Variants in FAM91A1 observed in about 807,000 individuals in gnomAD.
FAM91A1 encodes family with sequence similarity 91 member A1, also known as protein FAM91A1.
Under a neutral mutation model 113.5 loss-of-function variants are expected in FAM91A1, and 41 were observed. The observed-to-expected ratio is 0.36, with a 90% CI of 0.28 to 0.47. The LOEUF is 0.47. Among genes scored for constraint, FAM91A1 ranks in the 20% least tolerant of loss-of-function variants. The pLI is 1.00. For missense variants in FAM91A1, 696 were observed against 1,001.2 expected, an observed-to-expected ratio of 0.70 and a Z score of 4.11; for synonymous variants, 307 against 347.9, an observed-to-expected ratio of 0.88 and a Z score of 1.31.
At chr8:123,811,889 C>T (rs1252823350) in intron 23 of FAM91A1, among the ~76,000 whole-genome samples, 4 of 152,054 alleles carry the variant, frequency 2.6e-5, no homozygotes, top group South Asian at 2.1e-4. Flanking sequence ...GTTTTTTCCC[C>T]GAGATGGAGT....
At chr8:123,803,621 G>GT (rs1345356843) in intron 18 of FAM91A1, among the ~76,000 whole-genome samples, 1 of 152,070 alleles carries the variant, frequency 6.6e-6, no homozygotes, top group African/African-American at 2.4e-5. Context: ...TGTTTTTAAA[G>GT]TGTTTGTTAA....
At chr8:123,803,880 T>G (rs1356489800) in intron 18 of FAM91A1, among the ~76,000 whole-genome samples, 2 of 152,186 alleles carry the variant, frequency 1.3e-5, no homozygotes, top group African/African-American at 4.8e-5. Flanking sequence ...AATGTATGGG[T>G]CTCTCTTAAA....
In FAM91A1 at chr8:123,815,028, GGAAA is replaced by G. The variant is rs1298565546; in HGVS notation, c.*2332_*2335del. 2 of 152,244 alleles carry G rather than the reference GGAAA, an allele frequency of 1.3e-5. No individual in the cohort carries two copies. Among genetic ancestry groups the G allele is most frequent in the Non-Finnish European group, 1.5e-5 (1 of 67,974 alleles). 9.4% of individuals were successfully genotyped at this position (152,244 alleles called of 1,614,324 possible). A position where few individuals can be genotyped will look rare whatever the true frequency, so the allele number is the denominator to read the frequency against. On this transcript the variant is annotated 3_prime_UTR_variant, in exon 24 of 24. Coordinates refer to ENST00000334705, the MANE Select transcript of FAM91A1 (RefSeq NM_144963.4). ...GGCAAACATTCTTTAGAAACCAAGA[GGAAA>G]GAAAGAACAAATATCAAAAAAGACA...
intron 18 of FAM91A1, 91 bp downstream of exon 18, chr8:123,799,976 C>G: frequency 1.9e-6 from 2 of 1,058,018 alleles, no homozygotes; most frequent in Non-Finnish European, 2.7e-6. Context: ...AAATGTCAGT[C>G]ATTTGAAATT....
At position 123,798,189 on chromosome 8, in the gene FAM91A1, T is replaced by C; in HGVS notation, c.1511T>C (p.Met504Thr). 6.2e-7 allele frequency: 1 copy of C among 1,614,132 alleles called. No homozygotes were observed. The highest frequency in any genetic ancestry group is 1.7e-5 in the Admixed American group (1 of 60,022). The change falls in exon 16 of 24, where the codon ATG becomes ACG. Residue 504 changes from methionine (M) to threonine (T), a missense_variant. Coordinates refer to ENST00000334705, the MANE Select transcript of FAM91A1 (RefSeq NM_144963.4). The part of the protein sequence containing the change: ...LNKNYTLLVS[M>T]APLTNEIRPV... ...AAAAATTACACGCTGCTTGTTTCCA[T>C]GGCTCCCCTCACCAATGAAATCCGG...
At chr8:123,806,263 A>C (rs377443489) in intron 20 of FAM91A1, 34 bp downstream of exon 20, 3 of 1,585,476 alleles carry the variant, frequency 1.9e-6, no homozygotes, top group South Asian at 2.3e-5. Context: ...GGATTAAGAT[A>C]ATTGGTTTTG....
Position 123,805,491 on chromosome 8 carries a change from TTGTCATG to T in FAM91A1, c.1882+155_1882+161del, listed in dbSNP as rs1323025490. 9.2e-6 allele frequency: 6 copies of T among 653,588 alleles called. No homozygotes were observed. In the East Asian group the frequency reaches 1.4e-4, roughly 15 times the overall value. 40.5% of individuals were successfully genotyped at this position (653,588 alleles called of 1,614,324 possible). On this transcript the variant is annotated intron_variant, in intron 19 of 23. Coordinates refer to ENST00000334705, the MANE Select transcript of FAM91A1 (RefSeq NM_144963.4). ...AAGAGTGTTGGCAAAAGGTAGTTTT[TTGTCATG>T]TGCTTTGCCATCCACAAAGAACTGT...
intron 7 of FAM91A1, 96 bp downstream of exon 7, chr8:123,780,171 G>A (rs1234930126): frequency 1.9e-5 from 20 of 1,035,692 alleles, no homozygotes; most frequent in Non-Finnish European, 2.7e-5. Context: ...GGTACAAATA[G>A]TACTAGTTTC....
At chr8:123,789,821 A>G in intron 15 of FAM91A1, 76 bp downstream of exon 15, 1 of 1,500,330 alleles carries the variant, frequency 6.7e-7, no homozygotes, top group East Asian at 2.4e-5. Flanking sequence ...GATCATGCTC[A>G]CTTATATAAT....
chr8:123,792,780 T>G (rs988679544), intron 15 of FAM91A1, among the ~76,000 whole-genome samples: 2 of 152,204 alleles, frequency 1.3e-5, no homozygotes, highest in African/African-American at 4.8e-5. Flanking sequence ...GGGAAGGGGC[T>G]TAGTGCAAGG....
At position 123,808,270 on chromosome 8, in the gene FAM91A1, A is replaced by T. The variant is rs1244725250; in HGVS notation, c.2033-2A>T. On this transcript the variant is annotated splice_acceptor_variant, in intron 20 of 23. Transcript: ENST00000334705. LOFTEE classifies it high-confidence loss of function. ...ATATTGTGTATGCCCTTTAATTATA[A>T]GGAGAACCTGATTTGGCTTCTGGCT... is the stretch of plus-strand genomic sequence containing the variant. 3.7e-6 allele frequency: 6 copies of T among 1,611,132 alleles called. No homozygotes were observed. Among genetic ancestry groups the T allele is most frequent in the Non-Finnish European group, 5.1e-6 (6 of 1,178,944 alleles).
chr8:123,788,619 A>T (rs1313143693), intron 14 of FAM91A1, among the ~76,000 whole-genome samples: 1 of 151,964 alleles, frequency 6.6e-6, no homozygotes, highest in Non-Finnish European at 1.5e-5. Flanking sequence ...TTATTTCTTC[A>T]TGCTTCTTTA....
rs766207478 is a variant in FAM91A1, at chr8:123,787,221, A to G, written c.1079-40A>G. ...TCACTCCAAATGGTAAGCAAAGAAT[A>G]ATTTCCATTTACTTGATTTTAAATT... On this transcript the variant is annotated intron_variant, in intron 12 of 23. Coordinates refer to ENST00000334705, the MANE Select transcript of FAM91A1 (RefSeq NM_144963.4). 8 of 1,423,504 alleles carry G rather than the reference A, an allele frequency of 5.6e-6. No homozygotes were observed. The Admixed American group carries it at 8.8e-5, about 16-fold the overall frequency. The allele number at this position is 1,423,504 out of a possible 1,614,324, so 88.2% of individuals were successfully genotyped here. A position where few individuals can be genotyped will look rare whatever the true frequency, so the allele number is the denominator to read the frequency against.
rs1279694949 is a variant in FAM91A1, at chr8:123,778,653, T to C, written c.436-6T>C. Reference sequence around the variant, plus strand: ...TGCAAATTCTCAAATGTTTGTACCATTGCAGAAATTCTTCAGAAGGAAAAC... The same window carrying C: ...TGCAAATTCTCAAATGTTTGTACCACTGCAGAAATTCTTCAGAAGGAAAAC... On this transcript the variant is annotated splice_polypyrimidine_tract_variant and splice_region_variant and intron_variant, in intron 5 of 23. Transcript: ENST00000334705. 1 of 1,605,116 alleles carries C rather than the reference T, an allele frequency of 6.2e-7. No homozygotes were observed. The highest frequency in any genetic ancestry group is 8.5e-7 in the Non-Finnish European group (1 of 1,174,196).
intron 18 of FAM91A1, among the ~76,000 whole-genome samples, chr8:123,801,479 G>T (rs915448040): frequency 6.6e-6 from 1 of 152,214 alleles, no homozygotes; most frequent in Non-Finnish European, 1.5e-5. Context: ...TAGGTTCTCC[G>T]TAAAGATTTC....
chr8:123,807,272 A>G (rs938377881), intron 20 of FAM91A1, among the ~76,000 whole-genome samples: 1 of 152,180 alleles, frequency 6.6e-6, no homozygotes, highest in Non-Finnish European at 1.5e-5. Context: ...CGTATCTACT[A>G]CAGCTCTCCT....
Position 123,799,464 on chromosome 8 carries a change from C to T in FAM91A1, c.1561-56C>T, listed in dbSNP as rs563974631. 5.3e-4 allele frequency: 818 copies of T among 1,529,716 alleles called. 5 individuals are homozygous for T. The highest frequency in any genetic ancestry group is 1.7e-3 in the South Asian group (138 of 79,400). The allele number at this position is 1,529,716 out of a possible 1,614,324, so 94.8% of individuals were successfully genotyped here. On this transcript the variant is annotated intron_variant, in intron 16 of 23. Transcript: ENST00000334705. ...GATTTGCTGTTTATAAGACTGTTCT[C>T]GGTCACTTATGTAACACTTTATTTT...
At chr8:123,804,474 G>A (rs1408730997) in intron 18 of FAM91A1, among the ~76,000 whole-genome samples, 2 of 98,858 alleles carry the variant, frequency 2.0e-5, no homozygotes, top group Non-Finnish European at 3.6e-5. Context: ...CTGAGTAACA[G>A]AGCAAGACTC....
chr8:123,786,781 A>T (rs922951958), intron 12 of FAM91A1, among the ~76,000 whole-genome samples, 171 bp downstream of exon 12: 1 of 152,236 alleles, frequency 6.6e-6, no homozygotes, highest in African/African-American at 2.4e-5. Flanking sequence ...TATAAAACTG[A>T]CAAGAATATG....
Sources: gnomAD v4.1 joint callset for allele counts (sites outside exome capture counted in the v4.1 genomes callset) on GRCh38, gnomAD v4.1.1 for gene constraint, MANE v1.5 for transcripts, NCBI Gene and HGNC (gene_info 2026-07-23, HGNC 2026-07-21) for gene names.